The following EIF4G3 variants were observed in gnomAD, a reference collection of about 807,000 sequenced individuals.
The protein encoded by EIF4G3 is eukaryotic translation initiation factor 4 gamma 3.
A neutral mutation model predicts 186.4 loss-of-function variants in EIF4G3; 34 were observed. The observed-to-expected ratio is 0.18, with a 90% CI of 0.14 to 0.24. The LOEUF (loss-of-function observed/expected upper bound fraction) is 0.24. Among genes scored for constraint, EIF4G3 ranks in the 10% least tolerant of loss-of-function variants. The pLI, the probability that EIF4G3 is intolerant of heterozygous loss-of-function variation, is 1.00. For synonymous variants in EIF4G3, 673 were observed against 679.5 expected (o/e 0.99, Z 0.15); for missense variants, 1,536 against 1,948.5 (o/e 0.79, Z 3.99).
At chr1:20,970,952 G>A (rs112684579) in intron 11 of EIF4G3, among the ~76,000 whole-genome samples, 4 of 152,138 alleles carry the variant, frequency 2.6e-5, no homozygotes, top group East Asian at 3.8e-4. Flanking sequence ...GGAAAAGAGC[G>A]AGACTTTGTC....
At chr1:20,884,087 A>T (rs950504096) in intron 19 of EIF4G3, among the ~76,000 whole-genome samples, 3 of 152,208 alleles carry the variant, frequency 2.0e-5, no homozygotes, top group African/African-American at 4.8e-5. Context: ...GTAGGAACGT[A>T]AGGGAAGGCA....
intron 21 of EIF4G3, 123 bp downstream of exon 21, chr1:20,864,993 T>A (rs188750346): frequency 1.8e-4 from 202 of 1,108,854 alleles, no homozygotes; most frequent in Middle Eastern, 4.4e-4. Context: ...TGTTTCTACA[T>A]GGAAAAAAAA....
At chr1:20,831,053 T>C (rs1205994369) in intron 30 of EIF4G3, among the ~76,000 whole-genome samples, 3 of 152,218 alleles carry the variant, frequency 2.0e-5, no homozygotes, top group Admixed American at 2.0e-4. Context: ...CCCTTGCCTC[T>C]TGGCATGTAG....
At chr1:21,062,059 TTTTG>T (rs1457787501) in intron 3 of EIF4G3, among the ~76,000 whole-genome samples, 6 of 151,888 alleles carry the variant, frequency 4.0e-5, no homozygotes, top group South Asian at 4.2e-4. Flanking sequence ...TCTGCTTGCT[TTTTG>T]TTTGTTTGTT....
At position 21,007,526 on chromosome 1, in the gene EIF4G3, A is replaced by ACAAACAAACAAAC. The variant is rs1557469318; in HGVS notation, c.-66-4719_-66-4718insGTTTGTTTGTTTG. On this transcript the variant is annotated intron_variant, in intron 4 of 36. Coordinates refer to ENST00000602326, the MANE Select transcript of EIF4G3 (RefSeq NM_001391906.1). ...AATGGGCCCCTCCTTAAAAAAAAAA[A>ACAAACAAACAAAC]AAAAAAAAAAACACACTCAAAAACA... 6.9e-5 allele frequency among the ~76,000 whole-genome samples: 9 copies of ACAAACAAACAAAC among 131,038 alleles called. 1 individual carries two copies. The highest frequency in any genetic ancestry group is 2.7e-4 in the African/African-American group (8 of 29,706). 86.0% of individuals were successfully genotyped at this position (131,038 alleles called of 152,430 possible).
At chr1:20,865,764 T>C (rs2077422247) in intron 20 of EIF4G3, among the ~76,000 whole-genome samples, 1 of 152,160 alleles carries the variant, frequency 6.6e-6, no homozygotes, top group African/African-American at 2.4e-5. Context: ...TATCTTTTCA[T>C]TGGGGAATGT....
chr1:20,902,657 T>C (rs1317909066), intron 15 of EIF4G3, among the ~76,000 whole-genome samples: 1 of 152,230 alleles, frequency 6.6e-6, no homozygotes, highest in Non-Finnish European at 1.5e-5. Flanking sequence ...TTTTATTTTT[T>C]TGAGACAGAG....
intron 16 of EIF4G3, among the ~76,000 whole-genome samples, chr1:20,896,378 G>A (rs933774582): frequency 2.0e-4 from 30 of 148,964 alleles, no homozygotes; most frequent in African/African-American, 6.9e-4. Flanking sequence ...TGAGGCTGCA[G>A]TGAGCTATGA....
intron 12 of EIF4G3, among the ~76,000 whole-genome samples, chr1:20,954,493 G>A (rs1005732693): frequency 2.4e-5 from 3 of 126,254 alleles, no homozygotes; most frequent in Non-Finnish European, 3.1e-5. Flanking sequence ...CCGAGATCGC[G>A]CCACTGCATT....
At chr1:21,026,755 A>G (rs2092152416) in intron 4 of EIF4G3, among the ~76,000 whole-genome samples, 2 of 151,878 alleles carry the variant, frequency 1.3e-5, no homozygotes, top group South Asian at 4.1e-4. Context: ...TTCGAGACCA[A>G]CCTGACCATC....
chr1:21,100,574 T>C (rs1023654324), intron 2 of EIF4G3, among the ~76,000 whole-genome samples: 4 of 152,034 alleles, frequency 2.6e-5, no homozygotes, highest in African/African-American at 4.8e-5. Context: ...TTAAAAAAAG[T>C]ATGGCTTGCC....
At chr1:20,951,328 A>G (rs1437441899) in intron 12 of EIF4G3, among the ~76,000 whole-genome samples, 1 of 152,196 alleles carries the variant, frequency 6.6e-6, no homozygotes, top group African/African-American at 2.4e-5. Context: ...ATAGACAGAA[A>G]TAGGGAAAAT....
chr1:21,122,213 T>TA (rs2102369185), intron 2 of EIF4G3, among the ~76,000 whole-genome samples: 1 of 152,328 alleles, frequency 6.6e-6, no homozygotes, highest in East Asian at 1.9e-4. Context: ...TGAAAGAGTT[T>TA]AGATGAGCTC....
intron 36 of EIF4G3, among the ~76,000 whole-genome samples, chr1:20,808,847 G>A (rs938209006): frequency 3.3e-5 from 5 of 151,976 alleles, no homozygotes; most frequent in African/African-American, 1.2e-4. Flanking sequence ...GAGAATTATA[G>A]TTATCATATA....
chr1:20,876,503 AAAAAACCTCT>A (rs1398994079), intron 20 of EIF4G3, among the ~76,000 whole-genome samples: 1 of 151,514 alleles, frequency 6.6e-6, no homozygotes, highest in African/African-American at 2.4e-5. Context: ...AGCAAAACCA[AAAAAACCTCT>A]TTATACATAC....
chr1:21,164,820 T>C (rs1418128599), intron 2 of EIF4G3, among the ~76,000 whole-genome samples: 1 of 152,106 alleles, frequency 6.6e-6, no homozygotes, highest in Non-Finnish European at 1.5e-5. Context: ...GATCTGATTA[T>C]GCCATTACAC....
intron 4 of EIF4G3, among the ~76,000 whole-genome samples, chr1:21,038,458 T>C (rs1348550526): frequency 6.6e-6 from 1 of 152,198 alleles, no homozygotes; most frequent in Non-Finnish European, 1.5e-5. Context: ...CGATTATCTC[T>C]ACTAATTTCT....
intron 29 of EIF4G3, chr1:20,847,673 A>G (rs1571571683): frequency 2.5e-6 from 1 of 393,846 alleles, no homozygotes; most frequent in Non-Finnish European, 5.2e-6. Flanking sequence ...TATGCTGCCA[A>G]TTTATAAGAA....
chr1:21,023,204 A>G (rs2091164214), intron 4 of EIF4G3, among the ~76,000 whole-genome samples: 1 of 150,312 alleles, frequency 6.7e-6, no homozygotes, highest in Non-Finnish European at 1.5e-5. Flanking sequence ...AATGACATAG[A>G]AAGTGGTGTA....
Sources: allele counts gnomAD v4.1 joint callset (sites outside exome capture counted in the v4.1 genomes callset), GRCh38; gene constraint gnomAD v4.1.1; transcripts MANE v1.5; gene names NCBI Gene and HGNC (gene_info 2026-07-23, HGNC 2026-07-21).